SYT7: variants seen among roughly 807,000 people sequenced by gnomAD.
SYT7 encodes the protein synaptotagmin-7.
In SYT7, 29 loss-of-function variants were observed where a neutral mutation model predicts 75.1. The observed-to-expected ratio is 0.39, with a 90% confidence interval of 0.29 to 0.53. SYT7 has a LOEUF of 0.53. Among genes scored for constraint, SYT7 ranks in the 20% least tolerant of loss-of-function variants. SYT7 has a pLI of 0.77. For missense variants in SYT7, 693 were observed against 953.2 expected (o/e 0.73, Z 3.59); for synonymous variants, 376 against 401.7 (o/e 0.94, Z 0.76).
At chr11:61,587,049 C>G in the SYT7 span, among the ~76,000 whole-genome samples, 6 of 152,172 alleles carry the variant, frequency 3.9e-5, no homozygotes, top group African/African-American at 1.2e-4. Context: ...CCCCTCCCCC[C>G]ACATGATTAG....
rs1047073781 is a variant in SYT7 at position 61,553,545 on chromosome 11, G to A, written c.136-2082C>T. On this transcript the variant is annotated intron_variant, in intron 2 of 12. Coordinates refer to ENST00000539008, the MANE Select transcript of SYT7 (RefSeq NM_001365809.2). The surrounding 1 kb of genome is among the most constrained non-coding windows in gnomAD (Gnocchi z 5.2). ...CTGCCCCTTCTCCTTCCCCAACTCC[G>A]AGAACCTTCCCCTCTGGCTTCGACT... Among the ~76,000 whole-genome samples the A allele has an allele frequency of 2.6e-5, 4 of 152,304 alleles. No individual in the cohort carries two copies. In the East Asian group the frequency reaches 5.8e-4, roughly 22 times the overall value.
Position 61,546,034 on chromosome 11 carries a change from G to C in SYT7, c.569C>G (p.Ser190Cys). ...GCCATGGGGCGCCATCACTCACTTG[G>C]ACAAGTTGAGCTTCCCTGCGGCCAG... ...SHLAAGKLNL[S>C]NFEDSTLSTA... The change falls in exon 5 of 13, where the codon TCC becomes TGC. Residue 190 changes from serine to cysteine, a missense_variant. Around this residue, in one of 2 missense-constraint regions of SYT7, gnomAD observed 487 missense variants for 593.2 expected, o/e 0.82. Coordinates refer to ENST00000539008, the MANE Select transcript of SYT7 (RefSeq NM_001365809.2). This position sits in a 1 kb window ranked among gnomAD's most constrained non-coding sequence, Gnocchi z 7.6. 6.5e-7 allele frequency: 1 copy of C among 1,533,382 alleles called. No homozygotes were observed. The highest frequency in any genetic ancestry group is 8.7e-7 in the Non-Finnish European group (1 of 1,145,686). The allele number at this position is 1,533,382 out of a possible 1,614,324, so 95.0% of individuals were successfully genotyped here.
chr11:61,575,467 GACACATAC>G (rs2064045712), intron 1 of SYT7, among the ~76,000 whole-genome samples: 1 of 152,198 alleles, frequency 6.6e-6, no homozygotes, highest in African/African-American at 2.4e-5. Flanking sequence ...GTTTGACCCA[GACACATAC>G]ACACATACTA....
Position 61,513,815 on chromosome 11 carries a change from G to T in SYT7, c.*4812C>A, listed in dbSNP as rs1057547. On this transcript the variant is annotated 3_prime_UTR_variant, in exon 13 of 13. Transcript: ENST00000539008. ...CCCAGGGGGCTCACAATCTACACAA[G>T]ACACGACACATACACGCAGGACACA... 1.3e-5 allele frequency among the ~76,000 whole-genome samples: 2 copies of T among 152,036 alleles called. No homozygotes were observed. Among genetic ancestry groups the T allele is most frequent in the Admixed American group, 1.3e-4 (2 of 15,282 alleles).
upstream of SYT7, among the ~76,000 whole-genome samples, chr11:61,584,088 A>T (rs1341856726): frequency 6.6e-6 from 1 of 152,050 alleles, no homozygotes; most frequent in African/African-American, 2.4e-5. Flanking sequence ...AAATCAAATC[A>T]CTTAAAATGA....
intron 6 of SYT7, chr11:61,540,115 C>G (rs540288386): frequency 6.6e-6 from 1 of 152,158 alleles, no homozygotes; most frequent in Non-Finnish European, 1.5e-5. Context: ...CATAAATTCC[C>G]GATTCGTCAC....
At chr11:61,543,215 C>T (rs2063097803) in intron 5 of SYT7, among the ~76,000 whole-genome samples, 1 of 152,184 alleles carries the variant, frequency 6.6e-6, no homozygotes, top group Non-Finnish European at 1.5e-5. Flanking sequence ...TGGATCTTTG[C>T]CCTCTTTTCA....
chr11:61,523,278 G>C lies in SYT7; in HGVS notation c.1757-4C>G, dbSNP rs2062406531. ...AGCCATACCTTCACGTAGGGGTCTA[G>C]GGGAGGGAGTGGGGAAGGGTTAGAG... is the stretch of plus-strand genomic sequence containing the variant. On this transcript the variant is annotated splice_polypyrimidine_tract_variant and splice_region_variant and intron_variant, in intron 11 of 12. Coordinates refer to ENST00000539008, the MANE Select transcript of SYT7 (RefSeq NM_001365809.2). The surrounding 1 kb of genome is among the most constrained non-coding windows in gnomAD (Gnocchi z 5.0). 1 of 1,614,040 alleles carries C rather than the reference G, an allele frequency of 6.2e-7. No homozygotes were observed. The highest frequency in any genetic ancestry group is 1.1e-5 in the South Asian group (1 of 91,090).
At chr11:61,532,303 A>G (rs2062736410) in intron 8 of SYT7, among the ~76,000 whole-genome samples, 4 of 152,214 alleles carry the variant, frequency 2.6e-5, no homozygotes, top group Middle Eastern at 3.4e-3. Context: ...TTTGGAAAGT[A>G]CAGGTGGGGC....
chr11:61,551,428 G>C lies in SYT7; in HGVS notation c.171C>G (p.Gly57=), dbSNP rs1408560349. ...TGCGCCCACGCCCTGAGTCTGGCGTGCCCACCGTCTCCAAGGAATTCTTGT... is the reference window on the plus strand; with the variant it reads ...TGCGCCCACGCCCTGAGTCTGGCGTCCCCACCGTCTCCAAGGAATTCTTGT... ...KRYKNSLETV[G]TPDSGRGRSE... The change falls in exon 3 of 13, where the codon GGC becomes GGG. Residue 57 remains glycine, a synonymous_variant. Coordinates refer to ENST00000539008, the MANE Select transcript of SYT7 (RefSeq NM_001365809.2). This position sits in a 1 kb window ranked among gnomAD's most constrained non-coding sequence, Gnocchi z 5.3. The C allele has an allele frequency of 1.2e-6, 2 of 1,613,908 alleles. No individual in the cohort carries two copies.
intron 1 of SYT7, among the ~76,000 whole-genome samples, chr11:61,579,913 C>A (rs933544020): frequency 6.6e-6 from 1 of 152,210 alleles, no homozygotes; most frequent in African/African-American, 2.4e-5. Flanking sequence ...TGGGCAGGAG[C>A]TGCAGGGGAC....
chr11:61,539,523 C>G (rs1207138793), intron 6 of SYT7: 2 of 152,046 alleles, frequency 1.3e-5, no homozygotes, highest in East Asian at 3.9e-4. Context: ...TTGGACAGGC[C>G]AGGCAGGAAA....
At position 61,513,941 on chromosome 11, in the gene SYT7, G is replaced by A. The variant is rs547844920; in HGVS notation, c.*4686C>T. On this transcript the variant is annotated 3_prime_UTR_variant, in exon 13 of 13. Coordinates refer to ENST00000539008, the MANE Select transcript of SYT7 (RefSeq NM_001365809.2). ...GGCTTGTCCTTCTGGTTGTCTTTGC[G>A]TGGGAGGGAGAGGAGCGCAGGACGT... Among the ~76,000 whole-genome samples the A allele has an allele frequency of 3.9e-5, 6 of 152,262 alleles. No individual in the cohort carries two copies. The highest frequency in any genetic ancestry group is 1.2e-4 in the African/African-American group (5 of 41,534).
intron 12 of SYT7, among the ~76,000 whole-genome samples, chr11:61,519,638 G>A (rs1459732464): frequency 1.3e-5 from 2 of 152,132 alleles, no homozygotes; most frequent in Non-Finnish European, 2.9e-5. Context: ...ACAAATAACG[G>A]CCGGAGTCTA....
intron 12 of SYT7, among the ~76,000 whole-genome samples, chr11:61,519,536 G>A (rs188835404): frequency 1.3e-5 from 2 of 152,324 alleles, no homozygotes; most frequent in East Asian, 3.9e-4. Flanking sequence ...GGGCCAGAGG[G>A]GACAGGGGAG....
Position 61,558,535 on chromosome 11 carries a change from C to A in SYT7, c.32-2328G>T, listed in dbSNP as rs543933131. Among the ~76,000 whole-genome samples the A allele has an allele frequency of 2.5e-3, 342 of 137,742 alleles. 3 individuals are homozygous for A. Among genetic ancestry groups the A allele is most frequent in the African/African-American group, 8.7e-3 (321 of 36,896 alleles). 90.4% of individuals were successfully genotyped at this position (137,742 alleles called of 152,430 possible). ...ACACACACACACACACACACACACA[C>A]ATATATATATAAATTATGAGGGTGT... On this transcript the variant is annotated intron_variant, in intron 1 of 12. Coordinates refer to ENST00000539008, the MANE Select transcript of SYT7 (RefSeq NM_001365809.2).
chr11:61,567,211 C>T (rs1299795723), intron 1 of SYT7, among the ~76,000 whole-genome samples: 1 of 152,214 alleles, frequency 6.6e-6, no homozygotes, highest in Non-Finnish European at 1.5e-5. Context: ...TCAGGCTACT[C>T]ACTCAACTCT....
At position 61,565,299 on chromosome 11, in the gene SYT7, C is replaced by T. The variant is rs1319829661; in HGVS notation, c.32-9092G>A. Among the ~76,000 whole-genome samples the T allele has an allele frequency of 2.0e-5, 3 of 152,198 alleles. No homozygotes were observed. The East Asian group carries it at 5.8e-4, about 29-fold the overall frequency. On this transcript the variant is annotated intron_variant, in intron 1 of 12. Transcript: ENST00000539008. ...TTTACAAGTGGGCAGAGCTTACCAG[C>T]TCCAGGGTGATCTGGGCATGGAAAG...
intron 3 of SYT7, among the ~76,000 whole-genome samples, chr11:61,548,905 G>A: frequency 6.6e-6 from 1 of 152,252 alleles, no homozygotes; most frequent in African/African-American, 2.4e-5. Context: ...AGGGGACTCT[G>A]TGTACAGGGT....
Sources: allele counts gnomAD v4.1 joint callset (sites outside exome capture counted in the v4.1 genomes callset), GRCh38; gene constraint gnomAD v4.1.1; regional missense constraint gnomAD v4.1.1; non-coding constraint Gnocchi (gnomAD v3.1); transcripts MANE v1.5; gene names NCBI Gene and HGNC (gene_info 2026-07-23, HGNC 2026-07-21).